The following TMPRSS11D variants were observed in gnomAD, a reference collection of about 807,000 sequenced individuals.
TMPRSS11D encodes transmembrane protease serine 11D.
In TMPRSS11D, 32 loss-of-function variants were observed where a neutral mutation model predicts 44.4. The ratio of observed to expected loss-of-function variants is 0.72; its 90% CI spans 0.54 to 0.97. TMPRSS11D has a LOEUF of 0.97. TMPRSS11D is among the 50% of genes least tolerant of loss of function. The probability of loss-of-function intolerance (pLI) is 0.00; values close to 1 mark genes in which losing one functional copy is unlikely to be tolerated. For synonymous variants in TMPRSS11D, 179 were observed against 177.9 expected (o/e 1.01, Z -0.05); for missense variants, 446 against 502.6 (o/e 0.89, Z 1.08).
chr4:67,873,784 A>G (rs1719114507), intron 1 of TMPRSS11D, among the ~76,000 whole-genome samples: 1 of 152,146 alleles, frequency 6.6e-6, no homozygotes, highest in South Asian at 2.1e-4. Flanking sequence ...ATACAATTAC[A>G]TTAGAAAAGA....
chr4:67,821,623 T>C lies in TMPRSS11D; in HGVS notation c.*714A>G, dbSNP rs1717644423. The C allele has an allele frequency of 6.6e-6, 1 of 152,196 alleles. No individual in the cohort carries two copies. Among genetic ancestry groups the C allele is most frequent in the African/African-American group, 2.4e-5 (1 of 41,440 alleles). 9.4% of individuals were successfully genotyped at this position (152,196 alleles called of 1,614,324 possible). ...AGATATAGTCTCTCCTTTATGTAGA[T>C]GAGTGATATTTTTCATGGGTCATCA... On this transcript the variant is annotated 3_prime_UTR_variant, in exon 10 of 10. Coordinates refer to ENST00000283916, the MANE Select transcript of TMPRSS11D (RefSeq NM_004262.3).
intron 6 of TMPRSS11D, 144 bp from the exon 7 acceptor site, chr4:67,833,525 C>T (rs1469826314): frequency 1.8e-5 from 12 of 670,102 alleles, no homozygotes; most frequent in South Asian, 1.6e-4. Flanking sequence ...AAAGCATGAT[C>T]GATATATTTC....
intron 2 of TMPRSS11D, among the ~76,000 whole-genome samples, chr4:67,858,626 A>C (rs115242554): frequency 4.1e-4 from 63 of 152,238 alleles, no homozygotes; most frequent in African/African-American, 1.4e-3. Context: ...TGGACATACT[A>C]TAAGTTATAT....
intron 7 of TMPRSS11D, among the ~76,000 whole-genome samples, chr4:67,831,334 G>A (rs1717940233): frequency 1.3e-5 from 2 of 152,062 alleles, no homozygotes; most frequent in Non-Finnish European, 2.9e-5. Flanking sequence ...CTCACTGATG[G>A]TTCTCAGTGA....
chr4:67,869,794 C>A (rs1052483806), intron 1 of TMPRSS11D, among the ~76,000 whole-genome samples: 1 of 152,138 alleles, frequency 6.6e-6, no homozygotes. Flanking sequence ...TTACATTAAG[C>A]CATCAATCAG....
intron 4 of TMPRSS11D, among the ~76,000 whole-genome samples, chr4:67,840,509 A>C (rs909750416): frequency 2.0e-5 from 3 of 152,212 alleles, no homozygotes; most frequent in Non-Finnish European, 4.4e-5. Context: ...CAGACAAGTG[A>C]CTGTATTTGA....
intron 1 of TMPRSS11D, among the ~76,000 whole-genome samples, chr4:67,864,376 C>T (rs1213894755): frequency 6.6e-6 from 1 of 151,944 alleles, no homozygotes; most frequent in African/African-American, 2.4e-5. Flanking sequence ...TCTAGACTGG[C>T]TCTGCAAGAA....
chr4:67,871,524 C>T (rs1719063146), intron 1 of TMPRSS11D, among the ~76,000 whole-genome samples: 1 of 152,146 alleles, frequency 6.6e-6, no homozygotes, highest in African/African-American at 2.4e-5. Context: ...CATATATCCC[C>T]ATATTTAATA....
chr4:67,847,060 A>G (rs1026499625), intron 3 of TMPRSS11D, among the ~76,000 whole-genome samples: 4 of 152,084 alleles, frequency 2.6e-5, no homozygotes, highest in Non-Finnish European at 2.9e-5. Flanking sequence ...ATCCACCATC[A>G]TCCCTGGCTA....
intron 1 of TMPRSS11D, among the ~76,000 whole-genome samples, chr4:67,863,328 C>CAAAAAAAAAAA (rs561420216): frequency 3.4e-5 from 3 of 89,194 alleles, no homozygotes; most frequent in African/African-American, 9.9e-5. Context: ...TGGTCTTGCT[C>CAAAAAAAAAAA]AAAAAAAAAA....
intron 1 of TMPRSS11D, among the ~76,000 whole-genome samples, chr4:67,875,589 G>A (rs1030697941): frequency 2.6e-5 from 4 of 152,200 alleles, no homozygotes; most frequent in South Asian, 2.1e-4. Flanking sequence ...AAACTGTTCC[G>A]TGAGAGAGAC....
intron 1 of TMPRSS11D, among the ~76,000 whole-genome samples, chr4:67,871,014 C>T (rs1719050046): frequency 6.6e-6 from 1 of 152,028 alleles, no homozygotes; most frequent in Non-Finnish European, 1.5e-5. Flanking sequence ...ATTAATAATG[C>T]CTTTATTTTA....
intron 1 of TMPRSS11D, among the ~76,000 whole-genome samples, chr4:67,866,126 G>A (rs1020337150): frequency 2.0e-5 from 3 of 151,904 alleles, no homozygotes; most frequent in African/African-American, 7.2e-5. Flanking sequence ...GAATCCAACA[G>A]CACATCAAAA....
intron 1 of TMPRSS11D, among the ~76,000 whole-genome samples, chr4:67,879,382 G>T (rs1197373513): frequency 6.8e-6 from 1 of 147,674 alleles, no homozygotes; most frequent in East Asian, 2.0e-4. Flanking sequence ...TCGGCAGGCT[G>T]AAGAAGGAGA....
chr4:67,877,932 A>G (rs954050349), intron 1 of TMPRSS11D, among the ~76,000 whole-genome samples: 2 of 152,240 alleles, frequency 1.3e-5, no homozygotes, highest in African/African-American at 4.8e-5. Context: ...CATCTTTTAA[A>G]AACCATCATG....
chr4:67,840,560 T>C (rs896780648), intron 4 of TMPRSS11D, among the ~76,000 whole-genome samples: 2 of 152,076 alleles, frequency 1.3e-5, no homozygotes, highest in African/African-American at 4.8e-5. Context: ...AAAAATGAGA[T>C]TAAGTAGAAA....
chr4:67,834,003 A>G (rs115170249), intron 6 of TMPRSS11D, among the ~76,000 whole-genome samples: 157 of 152,204 alleles, frequency 1.0e-3, no homozygotes, highest in African/African-American at 3.6e-3. Flanking sequence ...TATACCACAG[A>G]ATATTCTTGA....
rs201482173 is a variant in TMPRSS11D at position 67,842,655 on chromosome 4, C to G, written c.250-30G>C. Reference sequence around the variant, plus strand: ...AGAAAGAAAGAGAGGGGGAATCTCTCTGTAAATACAGTTCTTCTTCTCCTT... The same window carrying G: ...AGAAAGAAAGAGAGGGGGAATCTCTGTGTAAATACAGTTCTTCTTCTCCTT... On this transcript the variant is annotated intron_variant, in intron 3 of 9. Transcript: ENST00000283916. The G allele has an allele frequency of 4.5e-6, 7 of 1,571,012 alleles. No individual in the cohort carries two copies. The African/African-American group carries it at 8.2e-5, about 18-fold the overall frequency.
rs1402318029 is a variant in TMPRSS11D at position 67,855,249 on chromosome 4, T to C, written c.131-1063A>G. Among the ~76,000 whole-genome samples the C allele has an allele frequency of 1.2e-4, 3 of 26,034 alleles. No individual in the cohort carries two copies. The East Asian group carries it at 4.3e-3, about 37-fold the overall frequency. 17.1% of individuals were successfully genotyped at this position (26,034 alleles called of 152,430 possible). ...CAGCCTGGGTGACAGAGCAAGACTG[T>C]CTCAAAAAAAAAAAAAAAAAAAATA... On this transcript the variant is annotated intron_variant, in intron 2 of 9. Transcript: ENST00000283916.
Sources: gnomAD v4.1 joint callset for allele counts (sites outside exome capture counted in the v4.1 genomes callset) on GRCh38, gnomAD v4.1.1 for gene constraint, MANE v1.5 for transcripts, NCBI Gene and HGNC (gene_info 2026-07-23, HGNC 2026-07-21) for gene names.